Variants in EXT2 observed in about 807,000 individuals in gnomAD.
The protein encoded by EXT2 is exostosin-2.
EXT2 carries 53 observed loss-of-function variants against 81.6 expected under a neutral mutation model. That is an observed-to-expected ratio of 0.65 (90% CI 0.52 to 0.82). The LOEUF (loss-of-function observed/expected upper bound fraction) is 0.82. Among genes scored for constraint, EXT2 ranks in the 40% least tolerant of loss-of-function variants. The probability of loss-of-function intolerance (pLI) is 0.00; values close to 1 mark genes in which losing one functional copy is unlikely to be tolerated. For missense variants in EXT2, 774 were observed against 910.2 expected (o/e 0.85, Z 1.93); for synonymous variants, 320 against 340.0 (o/e 0.94, Z 0.65).
chr11:44,176,697 A>G (rs1157634160), intron 8 of EXT2, among the ~76,000 whole-genome samples: 2 of 152,092 alleles, frequency 1.3e-5, no homozygotes, highest in African/African-American at 4.8e-5. Context: ...TATGAGCCCA[A>G]CCTGCAGGGG....
intron 13 of EXT2, among the ~76,000 whole-genome samples, chr11:44,237,610 TG>T (rs1314582932): frequency 6.6e-6 from 1 of 151,982 alleles, no homozygotes; most frequent in Non-Finnish European, 1.5e-5. Flanking sequence ...GTAAGCTAAG[TG>T]GTCATTAATA....
At chr11:44,199,639 C>T (rs1372461197) in intron 9 of EXT2, among the ~76,000 whole-genome samples, 1 of 152,238 alleles carries the variant, frequency 6.6e-6, no homozygotes, top group African/African-American at 2.4e-5. Flanking sequence ...CCTGGTTAGC[C>T]ACTTTAGGCA....
intron 4 of EXT2, among the ~76,000 whole-genome samples, chr11:44,122,695 T>G (rs560200053): frequency 1.3e-5 from 2 of 152,334 alleles, no homozygotes; most frequent in East Asian, 3.9e-4. Flanking sequence ...GTTGCTGTTG[T>G]ATATCTTTCT....
At chr11:44,111,791 CA>C (rs1590552815) in intron 3 of EXT2, among the ~76,000 whole-genome samples, 2 of 152,190 alleles carry the variant, frequency 1.3e-5, no homozygotes, top group East Asian at 3.8e-4. Flanking sequence ...TATCTAGAAA[CA>C]AATGCCAGAC....
chr11:44,247,350 A>G lies in EXT2; in HGVS notation c.*3063A>G, dbSNP rs1248049770. Among the ~76,000 whole-genome samples, 3 of 147,664 alleles carry G rather than the reference A, an allele frequency of 2.0e-5. No homozygotes were observed. Among genetic ancestry groups the G allele is most frequent in the African/African-American group, 7.5e-5 (3 of 39,920 alleles). On this transcript the variant is annotated 3_prime_UTR_variant, in exon 14 of 14. Coordinates refer to ENST00000533608, the MANE Select transcript of EXT2 (RefSeq NM_207122.2). ...CTACATCCTCCGCCTCCCAGGTTCA[A>G]GTGATTCTCCTGCCTCAGCCTCCTG...
intron 9 of EXT2, among the ~76,000 whole-genome samples, chr11:44,202,592 AACTGT>A (rs754394972): frequency 3.3e-5 from 5 of 152,170 alleles, no homozygotes. Context: ...ACCAGATCTC[AACTGT>A]ACCACTTTGA....
chr11:44,212,819 T>C (rs1489017407), intron 10 of EXT2, among the ~76,000 whole-genome samples: 4 of 152,176 alleles, frequency 2.6e-5, no homozygotes, highest in Non-Finnish European at 4.4e-5. Context: ...CAAAGTCAGA[T>C]GTAGGAGGCT....
chr11:44,188,949 C>A (rs1382415947), intron 8 of EXT2, among the ~76,000 whole-genome samples: 2 of 152,074 alleles, frequency 1.3e-5, no homozygotes, highest in Admixed American at 6.6e-5. Context: ...ACTAGCAGAC[C>A]ACAAGCAGGA....
intron 4 of EXT2, among the ~76,000 whole-genome samples, chr11:44,120,729 T>C (rs1407118704): frequency 6.6e-6 from 1 of 152,238 alleles, no homozygotes; most frequent in Non-Finnish European, 1.5e-5. Flanking sequence ...TGTCAGCATT[T>C]GTTCAATGGG....
At chr11:44,157,957 G>A (rs1343466511) in intron 7 of EXT2, among the ~76,000 whole-genome samples, 1 of 152,210 alleles carries the variant, frequency 6.6e-6, no homozygotes, top group Non-Finnish European at 1.5e-5. Flanking sequence ...CCAGCACTGG[G>A]CCCTTCTCTT....
chr11:44,112,189 A>T (rs1954154221), intron 3 of EXT2, among the ~76,000 whole-genome samples: 1 of 152,204 alleles, frequency 6.6e-6, no homozygotes, highest in South Asian at 2.1e-4. Context: ...GCAGGAGGAG[A>T]ACTGTGAGAA....
At chr11:44,157,912 G>C (rs1209838299) in intron 7 of EXT2, among the ~76,000 whole-genome samples, 1 of 152,142 alleles carries the variant, frequency 6.6e-6, no homozygotes, top group African/African-American at 2.4e-5. Context: ...GTTTATTCAG[G>C]GCCCAGTGCT....
At chr11:44,230,839 T>C (rs375128917) in intron 10 of EXT2, among the ~76,000 whole-genome samples, 1 of 152,078 alleles carries the variant, frequency 6.6e-6, no homozygotes, top group African/African-American at 2.4e-5. Flanking sequence ...CCTAGGAAAC[T>C]GAAAAGGGCA....
intron 8 of EXT2, among the ~76,000 whole-genome samples, chr11:44,193,354 C>G (rs1365077308): frequency 6.6e-6 from 1 of 152,218 alleles, no homozygotes; most frequent in Non-Finnish European, 1.5e-5. Context: ...ATAACTCACA[C>G]AAGATCAACC....
intron 1 of EXT2, chr11:44,096,062 T>C: frequency 1.5e-6 from 1 of 662,418 alleles, no homozygotes; most frequent in East Asian, 2.8e-5. Flanking sequence ...TTTCCACTCC[T>C]GCTTCTCCTT....
intron 13 of EXT2, among the ~76,000 whole-genome samples, chr11:44,242,919 T>C (rs1385627560): frequency 2.0e-5 from 3 of 152,190 alleles, no homozygotes; most frequent in Non-Finnish European, 2.9e-5. Flanking sequence ...ATGGGAATGA[T>C]AGTCCTACCC....
Position 44,197,828 on chromosome 11 carries a change from G to A in EXT2, c.1306-1G>A, listed in dbSNP as rs774864280. On this transcript the variant is annotated splice_acceptor_variant, in intron 8 of 13. Coordinates refer to ENST00000533608, the MANE Select transcript of EXT2 (RefSeq NM_207122.2). LOFTEE classifies it high-confidence loss of function. ...ACCCGTGTTAATCTGTCCTCTTGTA[G>A]AAGTGGGGCAGCGTGAGCAATCCAC... The A allele has an allele frequency of 1.2e-6, 2 of 1,613,926 alleles. No homozygotes were observed. The highest frequency in any genetic ancestry group is 4.5e-5 in the East Asian group (2 of 44,866).
chr11:44,165,061 G>A (rs1954976677), intron 7 of EXT2, among the ~76,000 whole-genome samples: 1 of 151,752 alleles, frequency 6.6e-6, no homozygotes, highest in Admixed American at 6.6e-5. Context: ...TGTATTTTTA[G>A]TAGAGACGGG....
chr11:44,164,018 C>T (rs1375182078), intron 7 of EXT2, among the ~76,000 whole-genome samples: 3 of 152,112 alleles, frequency 2.0e-5, no homozygotes, highest in African/African-American at 7.2e-5. Flanking sequence ...TTCTAGAGTA[C>T]TCTGTTTTAG....
Sources: allele counts gnomAD v4.1 joint callset (sites outside exome capture counted in the v4.1 genomes callset), GRCh38; gene constraint gnomAD v4.1.1; transcripts MANE v1.5; gene names NCBI Gene and HGNC (gene_info 2026-07-23, HGNC 2026-07-21).